The following HGF variants were observed in gnomAD, a reference collection of about 807,000 sequenced individuals.
The protein encoded by HGF is fibroblast-derived tumor cytotoxic factor.
Under a neutral mutation model 111.6 loss-of-function variants are expected in HGF, and 39 were observed. The observed-to-expected ratio is 0.35, with a 90% CI of 0.27 to 0.46. The LOEUF (loss-of-function observed/expected upper bound fraction) is 0.46. HGF is among the 20% of genes least tolerant of loss of function. The pLI, the probability that HGF is intolerant of heterozygous loss-of-function variation, is 1.00. For missense variants in HGF, 735 were observed against 910.5 expected (o/e 0.81, Z 2.48); for synonymous variants, 285 against 294.8 (o/e 0.97, Z 0.34).
intron 7 of HGF, among the ~76,000 whole-genome samples, chr7:81,739,842 C>A (rs1326748265): frequency 6.6e-6 from 1 of 152,004 alleles, no homozygotes; most frequent in Non-Finnish European, 1.5e-5. Flanking sequence ...GAGGTAAGAT[C>A]CCTCCCTTTG....
Position 81,756,076 on chromosome 7 carries a change from A to G in HGF, c.482+1113T>C, listed in dbSNP as rs147818055. 14 of 701,504 alleles carry G rather than the reference A, an allele frequency of 2.0e-5. No homozygotes were observed. The East Asian group carries it at 3.8e-4, about 19-fold the overall frequency. 43.5% of individuals were successfully genotyped at this position (701,504 alleles called of 1,614,324 possible). A position where few individuals can be genotyped will look rare whatever the true frequency, so the allele number is the denominator to read the frequency against. ...GTCATCACCACCACTGCAAAAACAA[A>G]TCACAGCATGGGTTCTACTGACCGG... On this transcript the variant is annotated intron_variant, in intron 4 of 17. Coordinates refer to ENST00000222390, the MANE Select transcript of HGF (RefSeq NM_000601.6).
At chr7:81,767,189 G>A (rs1261006801) in intron 1 of HGF, among the ~76,000 whole-genome samples, 1 of 151,212 alleles carries the variant, frequency 6.6e-6, no homozygotes, top group African/African-American at 2.4e-5. Flanking sequence ...ATAGTACAAA[G>A]TATTTCTAAC....
At position 81,725,932 on chromosome 7, in the gene HGF, A is replaced by G. The variant is rs1789994690; in HGVS notation, c.1126T>C (p.Tyr376His). 1.2e-6 allele frequency: 2 copies of G among 1,613,994 alleles called. No individual in the cohort carries two copies. Among genetic ancestry groups the G allele is most frequent in the Non-Finnish European group, 1.7e-6 (2 of 1,179,976 alleles). Residue 376 changes from tyrosine (Y) to histidine (H), a missense_variant, in exon 9 of 18, where the codon TAC (tyrosine) becomes CAC (histidine). By Grantham distance (83) the Tyr-to-His change is moderately conservative. Coordinates refer to ENST00000222390, the MANE Select transcript of HGF (RefSeq NM_000601.6). ...FTTDPNIRVGYCSQIPNCDMS... is the reference protein window; with the variant it reads ...FTTDPNIRVGHCSQIPNCDMS... ...TCACAGTTTGGAATTTGGGAGCAGT[A>G]GCCAACTCGGATGTTTGGATCAGTG...
chr7:81,737,205 G>T (rs1787859931), intron 7 of HGF, among the ~76,000 whole-genome samples: 1 of 151,944 alleles, frequency 6.6e-6, no homozygotes, highest in Non-Finnish European at 1.5e-5. Context: ...GCAAATAATA[G>T]AGCCTAAATC....
intron 9 of HGF, among the ~76,000 whole-genome samples, chr7:81,724,284 C>A (rs1789949393): frequency 6.6e-6 from 1 of 152,140 alleles, no homozygotes; most frequent in African/African-American, 2.4e-5. Flanking sequence ...ATCCCCTCTT[C>A]CCTCTACAAC....
chr7:81,711,358 A>G, intron 12 of HGF, 123 bp downstream of exon 12: 1 of 505,244 alleles, frequency 2.0e-6, no homozygotes, highest in Non-Finnish European at 3.5e-6. Flanking sequence ...AGTAAAAATA[A>G]ATAGATTAAC....
chr7:81,736,235 A>C (rs1421522048), intron 7 of HGF, among the ~76,000 whole-genome samples: 1 of 152,114 alleles, frequency 6.6e-6, no homozygotes, highest in Non-Finnish European at 1.5e-5. Context: ...AAAATTCCAG[A>C]AGTAAACAAT....
intron 13 of HGF, among the ~76,000 whole-genome samples, chr7:81,709,784 C>T (rs1387839490): frequency 5.3e-5 from 8 of 151,872 alleles, no homozygotes; most frequent in Non-Finnish European, 1.2e-4. Context: ...AGAAAATAAA[C>T]CCATAATATC....
chr7:81,743,904 T>G (rs1583975286), intron 6 of HGF, among the ~76,000 whole-genome samples: 2 of 152,302 alleles, frequency 1.3e-5, no homozygotes, highest in African/African-American at 2.4e-5. Flanking sequence ...AATAGAGCCC[T>G]TCGAGGTCAT....
At chr7:81,724,706 G>A (rs1388587781) in intron 9 of HGF, among the ~76,000 whole-genome samples, 1 of 152,108 alleles carries the variant, frequency 6.6e-6, no homozygotes, top group African/African-American at 2.4e-5. Flanking sequence ...GTAGAATGAT[G>A]TATATTCCTT....
intron 6 of HGF, among the ~76,000 whole-genome samples, chr7:81,743,809 C>T (rs1013287857): frequency 1.3e-5 from 2 of 152,104 alleles, no homozygotes; most frequent in Non-Finnish European, 2.9e-5. Flanking sequence ...ATTAAGAAAA[C>T]AGGTCCTCTT....
chr7:81,737,003 T>G (rs899514287), intron 7 of HGF, among the ~76,000 whole-genome samples: 4 of 151,716 alleles, frequency 2.6e-5, no homozygotes, highest in African/African-American at 2.4e-5. Context: ...GATATAGATA[T>G]TTCATTCTGA....
rs145598174 is a variant in HGF, at chr7:81,758,789, A to G, written c.270T>C (p.Asp90=). The change falls in exon 3 of 18, where the codon GAT becomes GAC. Residue 90 remains aspartate, a synonymous_variant. Transcript: ENST00000222390. Reference sequence around the variant, plus strand: ...ACCAGAGGCATTGTTTTCTTGCTTTATCAAAAACAAAAGCCCTGAAAAAAA... The same window carrying G: ...ACCAGAGGCATTGTTTTCTTGCTTTGTCAAAAACAAAAGCCCTGAAAAAAA... ...LPFTCKAFVF[D]KARKQCLWFP... is the part of the protein sequence containing the mutation. 296 of 1,610,918 alleles carry G rather than the reference A, an allele frequency of 1.8e-4. 1 individual carries two copies. The highest frequency in any genetic ancestry group is 2.4e-4 in the Non-Finnish European group (281 of 1,177,444).
Position 81,699,916 on chromosome 7 carries a change from G to C in HGF, c.*2665C>G, listed in dbSNP as rs1304784443. On this transcript the variant is annotated 3_prime_UTR_variant, in exon 18 of 18. Transcript: ENST00000222390. ...CTGAGGACCTGCCCACAGCATATAG[G>C]TAAAAGTCATTACACATTTTACAAT... 1.3e-5 allele frequency: 2 copies of C among 151,496 alleles called. No homozygotes were observed. The highest frequency in any genetic ancestry group is 2.4e-5 in the African/African-American group (1 of 41,326). The allele number at this position is 151,496 out of a possible 1,614,324, so 9.4% of individuals were successfully genotyped here. A position where few individuals can be genotyped will look rare whatever the true frequency, so the allele number is the denominator to read the frequency against.
At chr7:81,732,497 AG>A (rs1787698553) in intron 7 of HGF, among the ~76,000 whole-genome samples, 1 of 152,148 alleles carries the variant, frequency 6.6e-6, no homozygotes. Context: ...TTATTAGTCA[AG>A]GGTGATTCGA....
chr7:81,754,429 C>T (rs933225343), intron 4 of HGF, among the ~76,000 whole-genome samples: 5 of 150,906 alleles, frequency 3.3e-5, no homozygotes, highest in Admixed American at 6.6e-5. Flanking sequence ...ATTTGTAAAG[C>T]CAAAAAAAAG....
In HGF at chr7:81,762,754, T is replaced by C. The variant is rs1789152658; in HGVS notation, c.207A>G (p.Gln69=). The change falls in exon 2 of 18, where the codon CAA becomes CAG. Residue 69 remains glutamine (Q), a synonymous_variant. Transcript: ENST00000222390. ...TATTCCTAGTACATCTATTAGCACA[T>C]TGGTCTGCAGTATTCACTTTTTTGG... ...IKTKKVNTAD[Q]CANRCTRNKG... 1 of 1,612,684 alleles carries C rather than the reference T, an allele frequency of 6.2e-7. No individual in the cohort carries two copies.
intron 1 of HGF, among the ~76,000 whole-genome samples, chr7:81,767,927 T>TA (rs887041480): frequency 1.4e-4 from 22 of 152,026 alleles, no homozygotes; most frequent in Non-Finnish European, 2.2e-4. Context: ...TAAAGGTTAT[T>TA]AAAAAAAACT....
At position 81,705,460 on chromosome 7, in the gene HGF, C is replaced by T. The variant is rs1267493094; in HGVS notation, c.1940G>A (p.Arg647Gln). Residue 647 changes from arginine (R) to glutamine (Q), a missense_variant, in exon 17 of 18, where the codon CGA becomes CAA. By Grantham distance (43) the Arg-to-Gln change is conservative. Coordinates refer to ENST00000222390, the MANE Select transcript of HGF (RefSeq NM_000601.6). ...AGACTCATTCAGAGTCACCTTCCCT[C>T]GATGATGCTGGCTGCATTTCTCATT... is the stretch of plus-strand genomic sequence containing the variant. ...MGNEKCSQHH[R>Q]GKVTLNESEI... 3.7e-6 allele frequency: 6 copies of T among 1,612,604 alleles called. No homozygotes were observed. Among genetic ancestry groups the T allele is most frequent in the Admixed American group, 3.3e-5 (2 of 59,836 alleles).
Sources: gnomAD v4.1 joint callset for allele counts (sites outside exome capture counted in the v4.1 genomes callset) on GRCh38, gnomAD v4.1.1 for gene constraint, MANE v1.5 for transcripts, NCBI Gene and HGNC (gene_info 2026-07-23, HGNC 2026-07-21) for gene names.